Variants in SIK3 observed in about 807,000 individuals in gnomAD.
SIK3 encodes the protein serine/threonine-protein kinase SIK3.
Under a neutral mutation model 144.2 loss-of-function variants are expected in SIK3, and 28 were observed. The observed-to-expected ratio is 0.19, with a 90% CI of 0.14 to 0.27. SIK3 has a LOEUF of 0.27. Ranked by LOEUF, SIK3 falls within the 10% of genes least tolerant of loss-of-function variation. SIK3 has a pLI of 1.00. For missense variants in SIK3, 1,319 were observed against 1,776.0 expected (o/e 0.74, Z 4.62); for synonymous variants, 686 against 676.3 (o/e 1.01, Z -0.22).
intron 1 of SIK3, among the ~76,000 whole-genome samples, chr11:117,044,748 G>A (rs1952886185): frequency 6.6e-6 from 1 of 152,152 alleles, no homozygotes; most frequent in Non-Finnish European, 1.5e-5. Context: ...AGCCAGAAGT[G>A]GTGGTATACG....
At chr11:117,076,342 T>C (rs1292698573) in intron 1 of SIK3, among the ~76,000 whole-genome samples, 15 of 152,102 alleles carry the variant, frequency 9.9e-5, no homozygotes, top group Admixed American at 9.8e-4. Context: ...AATCATTAAT[T>C]TGAACTCCAA....
At chr11:116,878,100 T>C (rs1944349490) in intron 6 of SIK3, among the ~76,000 whole-genome samples, 1 of 151,994 alleles carries the variant, frequency 6.6e-6, no homozygotes, top group Admixed American at 6.6e-5. Flanking sequence ...TGTTGGGGGA[T>C]CCAAATCCCC....
At chr11:116,859,184 C>T in intron 20 of SIK3, 81 bp downstream of exon 20, 1 of 1,312,820 alleles carries the variant, frequency 7.6e-7, no homozygotes, top group Non-Finnish European at 1.1e-6. Context: ...CTCCTTCCCT[C>T]CTTTTCTCTC....
At chr11:117,078,678 T>C (rs554925803) in intron 1 of SIK3, among the ~76,000 whole-genome samples, 2 of 152,146 alleles carry the variant, frequency 1.3e-5, no homozygotes, top group African/African-American at 2.4e-5. Flanking sequence ...GCTGGGATTA[T>C]AGGCGTGAGC....
chr11:117,086,580 A>G (rs1231512058), intron 1 of SIK3, among the ~76,000 whole-genome samples: 1 of 151,878 alleles, frequency 6.6e-6, no homozygotes, highest in Non-Finnish European at 1.5e-5. Context: ...AGTCCCAGCT[A>G]CCTGGGAGGC....
chr11:117,005,530 G>A (rs548304209), intron 1 of SIK3, among the ~76,000 whole-genome samples: 2 of 152,172 alleles, frequency 1.3e-5, no homozygotes, highest in South Asian at 4.1e-4. Flanking sequence ...TTCAGACTCA[G>A]TAGAGATCAA....
chr11:117,082,062 A>T (rs1954813612), intron 1 of SIK3, among the ~76,000 whole-genome samples: 1 of 152,240 alleles, frequency 6.6e-6, no homozygotes, highest in Non-Finnish European at 1.5e-5. Flanking sequence ...TTCATTAGGG[A>T]AATGTAGATC....
At chr11:117,078,152 A>C (rs1954632326) in intron 1 of SIK3, among the ~76,000 whole-genome samples, 1 of 152,196 alleles carries the variant, frequency 6.6e-6, no homozygotes, top group Non-Finnish European at 1.5e-5. Flanking sequence ...TGCTCACAAG[A>C]CCCTGAAGTT....
chr11:116,997,503 TACTG>T (rs1222364385), intron 1 of SIK3, among the ~76,000 whole-genome samples: 1 of 152,244 alleles, frequency 6.6e-6, no homozygotes, highest in Non-Finnish European at 1.5e-5. Context: ...TCACAGTACT[TACTG>T]ACTTAAAAAT....
At chr11:116,992,941 T>C (rs1950546327) in intron 1 of SIK3, among the ~76,000 whole-genome samples, 1 of 152,218 alleles carries the variant, frequency 6.6e-6, no homozygotes, top group South Asian at 2.1e-4. Context: ...GCCGTGATCA[T>C]GCCACTGCTC....
Position 116,875,966 on chromosome 11 carries a change from C to T in SIK3, c.1139G>A (p.Ser380Asn), listed in dbSNP as rs535717708. The stretch of plus-strand genomic sequence containing the variant: ...TCTCTTATGTCGATCACACAGCAGG[C>T]TGTAGATTGCACTATAGTGATCATA... ...DAYDHYSAIY[S>N]LLCDRHKRHK... The change falls in exon 9 of 25, where the codon AGC becomes AAC. Residue 380 changes from serine (S) to asparagine (N), a missense_variant. Coordinates refer to ENST00000445177, the MANE Select transcript of SIK3 (RefSeq NM_001366686.3). 4.3e-6 allele frequency: 7 copies of T among 1,613,816 alleles called. No individual in the cohort carries two copies. The highest frequency in any genetic ancestry group is 5.1e-6 in the Non-Finnish European group (6 of 1,179,950).
At chr11:117,034,758 G>T (rs185770448) in intron 1 of SIK3, among the ~76,000 whole-genome samples, 1 of 152,290 alleles carries the variant, frequency 6.6e-6, no homozygotes, top group African/African-American at 2.4e-5. Flanking sequence ...GAATTATACA[G>T]TAAGTTCCAG....
At chr11:116,926,688 C>T (rs1947290140) in intron 4 of SIK3, among the ~76,000 whole-genome samples, 2 of 152,084 alleles carry the variant, frequency 1.3e-5, no homozygotes, top group Admixed American at 1.3e-4. Flanking sequence ...ATCACCTTTC[C>T]CTTCTTTCTC....
intron 1 of SIK3, among the ~76,000 whole-genome samples, chr11:116,973,168 A>AG (rs1949823528): frequency 6.6e-6 from 1 of 152,212 alleles, no homozygotes. Flanking sequence ...AAGCCATGCC[A>AG]GGACTCAAGA....
At chr11:116,870,041 G>C (rs1256899590) in intron 14 of SIK3, 1 of 1,215,084 alleles carries the variant, frequency 8.2e-7, no homozygotes, top group Non-Finnish European at 1.1e-6. Flanking sequence ...AATACTATCA[G>C]AGTTGCAATA....
chr11:116,964,346 T>G (rs950024650), intron 1 of SIK3, among the ~76,000 whole-genome samples: 3 of 151,978 alleles, frequency 2.0e-5, no homozygotes, highest in Admixed American at 6.6e-5. Context: ...AAACAATTAG[T>G]CAAATCAAGT....
intron 1 of SIK3, among the ~76,000 whole-genome samples, chr11:116,968,631 C>T (rs1949650054): frequency 1.3e-5 from 2 of 152,130 alleles, no homozygotes; most frequent in Admixed American, 1.3e-4. Flanking sequence ...TAACAAGATT[C>T]TTTGTGTTTT....
intron 4 of SIK3, among the ~76,000 whole-genome samples, chr11:116,899,807 C>G (rs1945641718): frequency 6.6e-6 from 1 of 152,130 alleles, no homozygotes; most frequent in Non-Finnish European, 1.5e-5. Context: ...CCTCATGCCC[C>G]AGGGACACCA....
At chr11:116,885,203 C>T (rs1944750964) in intron 6 of SIK3, among the ~76,000 whole-genome samples, 1 of 152,164 alleles carries the variant, frequency 6.6e-6, no homozygotes, top group Non-Finnish European at 1.5e-5. Flanking sequence ...TGGCCTGGAA[C>T]ACTTTCGCAA....
Sources: gnomAD v4.1 joint callset for allele counts (sites outside exome capture counted in the v4.1 genomes callset) on GRCh38, gnomAD v4.1.1 for gene constraint, MANE v1.5 for transcripts, NCBI Gene and HGNC (gene_info 2026-07-23, HGNC 2026-07-21) for gene names.